Variants in USP32 observed in about 807,000 individuals in gnomAD.
USP32 encodes the protein ubiquitin specific peptidase 32, also known as ubiquitin carboxyl-terminal hydrolase 32.
Under a neutral mutation model 204.8 loss-of-function variants are expected in USP32, and 59 were observed. That is an observed-to-expected ratio of 0.29 (90% CI 0.23 to 0.36). The LOEUF (loss-of-function observed/expected upper bound fraction) is 0.36. USP32 is among the 10% of genes least tolerant of loss of function. The pLI, the probability that USP32 is intolerant of heterozygous loss-of-function variation, is 1.00. For synonymous variants in USP32, 517 were observed against 678.4 expected (o/e 0.76, Z 3.70); for missense variants, 1,160 against 1,946.4 (o/e 0.60, Z 7.60).
intron 1 of USP32, among the ~76,000 whole-genome samples, chr17:60,400,273 A>C (rs1009540685): frequency 1.3e-5 from 2 of 152,142 alleles, no homozygotes; most frequent in Admixed American, 6.6e-5. Context: ...CCTGTCATCC[A>C]TTTAAAAAAG....
At chr17:60,226,319 T>G (rs1486039690) in intron 12 of USP32, 88 bp from the exon 13 acceptor site, 9 of 1,247,626 alleles carry the variant, frequency 7.2e-6, no homozygotes, top group Non-Finnish European at 9.6e-6. Flanking sequence ...AATTATCTAT[T>G]TTTTTAAGTC....
chr17:60,284,521 A>C (rs1188248408), intron 5 of USP32, among the ~76,000 whole-genome samples: 2 of 152,086 alleles, frequency 1.3e-5, no homozygotes, highest in African/African-American at 2.4e-5. Context: ...CGCCCAGCCT[A>C]ATTCAAGATT....
At chr17:60,223,001 G>A (rs975134635) in intron 14 of USP32, among the ~76,000 whole-genome samples, 3 of 152,088 alleles carry the variant, frequency 2.0e-5, no homozygotes, top group African/African-American at 4.8e-5. Context: ...AATTTTTAAT[G>A]AGAGATTTTT....
At chr17:60,357,545 A>G (rs1054790732) in intron 1 of USP32, among the ~76,000 whole-genome samples, 1 of 152,262 alleles carries the variant, frequency 6.6e-6, no homozygotes, top group African/African-American at 2.4e-5. Flanking sequence ...AAAAATATAT[A>G]TATGTAGATA....
At chr17:60,345,764 T>G (rs2088771722) in intron 1 of USP32, among the ~76,000 whole-genome samples, 156 bp from the exon 2 acceptor site, 1 of 152,090 alleles carries the variant, frequency 6.6e-6, no homozygotes, top group Non-Finnish European at 1.5e-5. Flanking sequence ...GGCGGATCAC[T>G]TAAGGCCAGG....
intron 1 of USP32, among the ~76,000 whole-genome samples, chr17:60,400,453 A>G (rs993965616): frequency 7.9e-5 from 12 of 152,186 alleles, no homozygotes; most frequent in African/African-American, 2.9e-4. Context: ...ACAGGATTAG[A>G]TTGGGATGGA....
At chr17:60,220,446 T>C (rs991437197) in intron 15 of USP32, among the ~76,000 whole-genome samples, 19 of 152,322 alleles carry the variant, frequency 1.2e-4, no homozygotes, top group African/African-American at 4.6e-4. Flanking sequence ...TTCACATATG[T>C]TTTGTCTATG....
intron 1 of USP32, among the ~76,000 whole-genome samples, chr17:60,410,678 T>TAAAG (rs952252155): frequency 6.6e-6 from 1 of 151,376 alleles, no homozygotes; most frequent in Non-Finnish European, 1.5e-5. Flanking sequence ...AAAAAATAAA[T>TAAAG]AAAGAAAGAA....
chr17:60,245,842 C>CTTTTTTTTTTAATGTGT (rs1567798967), intron 11 of USP32, among the ~76,000 whole-genome samples: 2 of 140,408 alleles, frequency 1.4e-5, no homozygotes, highest in African/African-American at 5.3e-5. Flanking sequence ...AGTTCACCTT[C>CTTTTTTTTTTAATGTGT]TTTTTTTTTT....
Position 60,183,216 on chromosome 17 carries a change from G to A in USP32, c.4072C>T (p.Leu1358=). 1 of 1,613,978 alleles carries A rather than the reference G, an allele frequency of 6.2e-7. No homozygotes were observed. The highest frequency in any genetic ancestry group is 8.5e-7 in the Non-Finnish European group (1 of 1,179,864). The change falls in exon 31 of 34, where the codon CTG becomes TTG. Residue 1358 remains leucine (L), a synonymous_variant. Coordinates refer to ENST00000300896, the MANE Select transcript of USP32 (RefSeq NM_032582.4). ...QSSAGEEDVL[L]SKSPSSLSAN... is the part of the protein sequence containing the mutation. ...CTGAGTGAGGATGGGCTTTTGCTCAGGAGCACGTCCTCTTCCCCAGCCGAA... is the reference window on the plus strand; with the variant it reads ...CTGAGTGAGGATGGGCTTTTGCTCAAGAGCACGTCCTCTTCCCCAGCCGAA...
intron 1 of USP32, among the ~76,000 whole-genome samples, chr17:60,404,499 A>G (rs554332221): frequency 5.3e-5 from 8 of 152,328 alleles, no homozygotes; most frequent in African/African-American, 1.9e-4. Context: ...TTTCTACAAG[A>G]AGACAATCTC....
intron 1 of USP32, among the ~76,000 whole-genome samples, chr17:60,384,745 C>G (rs1440745001): frequency 1.3e-5 from 2 of 151,336 alleles, no homozygotes; most frequent in African/African-American, 4.9e-5. Flanking sequence ...TGAGCCGAGA[C>G]TGTGCCATTG....
intron 11 of USP32, chr17:60,245,594 C>A (rs1375767460): frequency 6.3e-6 from 2 of 316,306 alleles, no homozygotes; most frequent in East Asian, 1.9e-4. Context: ...GGATGAAATT[C>A]TTGGTTCTCT....
At chr17:60,316,707 G>A (rs58449198) in intron 2 of USP32, among the ~76,000 whole-genome samples, 6,746 of 152,112 alleles carry the variant, frequency 0.044, 535 homozygotes, top group African/African-American at 0.15. Flanking sequence ...CGGGTGTGGT[G>A]GTGGGCGCCT....
intron 2 of USP32, among the ~76,000 whole-genome samples, chr17:60,302,709 A>G (rs1378654252): frequency 1.3e-5 from 2 of 152,192 alleles, no homozygotes; most frequent in African/African-American, 4.8e-5. Flanking sequence ...CAATTACACA[A>G]CTTCCTTCAA....
At chr17:60,392,359 A>AG (rs1385912046), upstream of USP32, 1 of 264,560 alleles carries the variant, frequency 3.8e-6, no homozygotes, top group Non-Finnish European at 7.5e-6. Flanking sequence ...AGCGCCGGGG[A>AG]GGGGGACGCA....
intron 30 of USP32, among the ~76,000 whole-genome samples, chr17:60,184,746 G>A (rs1400320245): frequency 6.7e-6 from 1 of 149,470 alleles, no homozygotes; most frequent in Non-Finnish European, 1.5e-5. Flanking sequence ...AGAGGTGGAG[G>A]TTGCGGTGAG....
At position 60,178,943 on chromosome 17, in the gene USP32, T is replaced by A. The variant is rs928154677; in HGVS notation, c.*312A>T. Among the ~76,000 whole-genome samples the A allele has an allele frequency of 6.6e-6, 1 of 152,256 alleles. No individual in the cohort carries two copies. The highest frequency in any genetic ancestry group is 2.4e-5 in the African/African-American group (1 of 41,470). On this transcript the variant is annotated 3_prime_UTR_variant, in exon 34 of 34. Coordinates refer to ENST00000300896, the MANE Select transcript of USP32 (RefSeq NM_032582.4). ...GGTAAACTCTATACTCACTACATAT[T>A]TGTTCATATCTGGACAAGCACAATT...
chr17:60,407,363 G>A (rs975574286), intron 1 of USP32, among the ~76,000 whole-genome samples: 1 of 152,110 alleles, frequency 6.6e-6, no homozygotes, highest in Admixed American at 6.6e-5. Context: ...CCAGAGCTAG[G>A]AAACATACAA....
Sources: allele counts gnomAD v4.1 joint callset (sites outside exome capture counted in the v4.1 genomes callset), GRCh38; gene constraint gnomAD v4.1.1; transcripts MANE v1.5; gene names NCBI Gene and HGNC (gene_info 2026-07-23, HGNC 2026-07-21).